The following CACNA1B variants were observed in gnomAD, a reference collection of about 807,000 sequenced individuals.
CACNA1B encodes voltage-dependent N-type calcium channel subunit alpha-1B.
In CACNA1B, 70 loss-of-function variants were observed where a neutral mutation model predicts 247.2. The ratio of observed to expected loss-of-function variants is 0.28; its 90% CI spans 0.23 to 0.35. The LOEUF (loss-of-function observed/expected upper bound fraction) is 0.35. CACNA1B is among the 10% of genes least tolerant of loss of function. The pLI, the probability that CACNA1B is intolerant of heterozygous loss-of-function variation, is 1.00. For missense variants in CACNA1B, 2,367 were observed against 3,197.4 expected, an observed-to-expected ratio of 0.74 and a Z score of 6.26; for synonymous variants, 1,231 against 1,294.4, an observed-to-expected ratio of 0.95 and a Z score of 1.05.
rs1047128734 is a variant in CACNA1B, at chr9:137,957,775, T to C, written c.1333+88T>C. ...GCTTCCCCTGCTACCCAGCCACTGTTGGACGCCCCTTCTTGCCCAAACGCC... is the reference window on the plus strand; with the variant it reads ...GCTTCCCCTGCTACCCAGCCACTGTCGGACGCCCCTTCTTGCCCAAACGCC... On this transcript the variant is annotated intron_variant, in intron 10 of 46. Transcript: ENST00000371372. The surrounding 1 kb of genome is among the most constrained non-coding windows in gnomAD (Gnocchi z 4.7). 11 of 935,064 alleles carry C rather than the reference T, an allele frequency of 1.2e-5. No individual in the cohort carries two copies. The highest frequency in any genetic ancestry group is 2.9e-5 in the Admixed American group (1 of 34,798). 57.9% of individuals were successfully genotyped at this position (935,064 alleles called of 1,614,324 possible).
chr9:138,003,944 T>C (rs1044358364), intron 15 of CACNA1B, among the ~76,000 whole-genome samples: 5 of 151,990 alleles, frequency 3.3e-5, no homozygotes, highest in Non-Finnish European at 7.4e-5. Context: ...CCCTTTCACG[T>C]TTATCAGATT....
Position 138,052,233 on chromosome 9 carries a change from TGC to T in CACNA1B, c.3807+47_3807+48del. On this transcript the variant is annotated intron_variant, in intron 25 of 46. Coordinates refer to ENST00000371372, the MANE Select transcript of CACNA1B (RefSeq NM_000718.4). This position sits in a 1 kb window ranked among gnomAD's most constrained non-coding sequence, Gnocchi z 5.1. The stretch of plus-strand genomic sequence containing the variant: ...GCTTGAGGGATGTGCTGTGTGTGTG[TGC>T]GTGTGTGTGTGTGCGTGTGTGTGTG... The T allele has an allele frequency of 7.8e-6, 8 of 1,026,882 alleles. No homozygotes were observed. Among genetic ancestry groups the T allele is most frequent in the South Asian group, 1.3e-5 (1 of 74,596 alleles). The allele number at this position is 1,026,882 out of a possible 1,614,324, so 63.6% of individuals were successfully genotyped here. A position where few individuals can be genotyped will look rare whatever the true frequency, so the allele number is the denominator to read the frequency against.
At chr9:138,043,952 A>G (rs775762475) in intron 21 of CACNA1B, 52 bp downstream of exon 21, 7 of 1,593,356 alleles carry the variant, frequency 4.4e-6, no homozygotes, top group African/African-American at 1.3e-5. Flanking sequence ...CCCATGCATC[A>G]TGACCCGTGG....
At chr9:137,963,419 C>G (rs1454384591) in intron 10 of CACNA1B, among the ~76,000 whole-genome samples, 1 of 152,080 alleles carries the variant, frequency 6.6e-6, no homozygotes, top group Non-Finnish European at 1.5e-5. Context: ...TTTTTTGAGA[C>G]AGTCTCACTC....
At chr9:138,003,026 T>A (rs533108824) in intron 15 of CACNA1B, among the ~76,000 whole-genome samples, 1 of 151,198 alleles carries the variant, frequency 6.6e-6, no homozygotes, top group African/African-American at 2.4e-5. Context: ...CTTGAACTCC[T>A]GACCTTGTGA....
At position 137,877,822 on chromosome 9, in the gene CACNA1B, G is replaced by C. The variant is rs1048205049; in HGVS notation, c.-112G>C. ...GGCTGCGGCGGTGGGGCCGGGCGAG[G>C]TCCGCTGCGGTCCCGGCGGCTCCGT... On this transcript the variant is annotated 5_prime_UTR_variant, in exon 1 of 47. Coordinates refer to ENST00000371372, the MANE Select transcript of CACNA1B (RefSeq NM_000718.4). 1.6e-4 allele frequency: 85 copies of C among 533,466 alleles called. No homozygotes were observed. In the African/African-American group the frequency reaches 1.7e-3, roughly 11 times the overall value. The allele number at this position is 533,466 out of a possible 1,614,324, so 33.0% of individuals were successfully genotyped here.
rs770232194 is a variant in CACNA1B, at chr9:138,053,827, T to G, written c.3808-19T>G. 6.3e-7 allele frequency: 1 copy of G among 1,586,780 alleles called. No individual in the cohort carries two copies. Among genetic ancestry groups the G allele is most frequent in the Admixed American group, 1.7e-5 (1 of 58,938 alleles). ...CATGATTCCACCCCCTCATCATGGC[T>G]CCACCCCTCCTCCTGCAGGCTGTGT... On this transcript the variant is annotated intron_variant, in intron 25 of 46. Transcript: ENST00000371372.
At chr9:138,106,136 C>G (rs892551749) in intron 39 of CACNA1B, among the ~76,000 whole-genome samples, 8 of 152,200 alleles carry the variant, frequency 5.3e-5, no homozygotes, top group Admixed American at 1.3e-4. Flanking sequence ...AGCGCCCTCC[C>G]TGGGGACGAG....
intron 3 of CACNA1B, among the ~76,000 whole-genome samples, chr9:137,896,238 CAAAA>C (rs34505431): frequency 2.9e-5 from 2 of 69,756 alleles, no homozygotes; most frequent in African/African-American, 1.2e-4. Context: ...GACTCTGTCT[CAAAA>C]AAAAAAAAAA....
At chr9:137,949,207 GTA>G (rs1957844292) in intron 6 of CACNA1B, among the ~76,000 whole-genome samples, 2 of 148,278 alleles carry the variant, frequency 1.3e-5, no homozygotes, top group East Asian at 2.1e-4. Flanking sequence ...TGTGTGTCTG[GTA>G]TGTGTGGTGT....
intron 6 of CACNA1B, among the ~76,000 whole-genome samples, chr9:137,921,912 C>T (rs575921411): frequency 2.8e-5 from 4 of 142,012 alleles, no homozygotes; most frequent in Non-Finnish European, 1.5e-5. Flanking sequence ...CAGAGTAAAG[C>T]GTTCGGAGAA....
rs193207370 is a variant in CACNA1B, at chr9:138,075,951, G to A, written c.4949+41G>A. ...AGCCCAGGCCAATGTCTGCTCTTCC[G>A]TCGGGGGCTGCTTTACTCAGGATGA... is the stretch of plus-strand genomic sequence containing the variant. On this transcript the variant is annotated intron_variant, in intron 35 of 46. Transcript: ENST00000371372. 1.8e-3 allele frequency: 2,350 copies of A among 1,308,536 alleles called. 1 individual carries two copies. The highest frequency in any genetic ancestry group is 2.3e-3 in the Non-Finnish European group (2,135 of 915,714). 81.1% of individuals were successfully genotyped at this position (1,308,536 alleles called of 1,614,324 possible).
chr9:138,029,495 C>T (rs1958961798), intron 20 of CACNA1B, among the ~76,000 whole-genome samples: 1 of 152,018 alleles, frequency 6.6e-6, no homozygotes, highest in Non-Finnish European at 1.5e-5. Flanking sequence ...TCTAGGTTTT[C>T]CCACTTACTT....
rs1958422135 is a variant in CACNA1B at position 137,990,729 on chromosome 9, G to A, written c.1974+3875G>A. 1.3e-5 allele frequency among the ~76,000 whole-genome samples: 2 copies of A among 152,174 alleles called. No individual in the cohort carries two copies. Among genetic ancestry groups the A allele is most frequent in the Non-Finnish European group, 2.9e-5 (2 of 68,046 alleles). Reference sequence around the variant, plus strand: ...TCCCCTGCTACCCCCACCAGAGCAGGTGCTGGTATCCGCACCTGAAAGACC... The same window carrying A: ...TCCCCTGCTACCCCCACCAGAGCAGATGCTGGTATCCGCACCTGAAAGACC... On this transcript the variant is annotated intron_variant, in intron 15 of 46. Transcript: ENST00000371372. This position sits in a 1 kb window ranked among gnomAD's most constrained non-coding sequence, Gnocchi z 4.5.
chr9:137,992,493 G>T (rs1958443014), intron 15 of CACNA1B, among the ~76,000 whole-genome samples: 2 of 152,044 alleles, frequency 1.3e-5, no homozygotes, highest in Non-Finnish European at 2.9e-5. Flanking sequence ...TAATAGCGGG[G>T]GACTTTGATA....
Position 138,112,513 on chromosome 9 carries a change from T to A in CACNA1B, c.5536+8T>A, listed in dbSNP as rs200430987. ...TGGTACCACCCCATAAGCGTAAGTGTGAGGGTGAGAAATGCCCCCAGCCCC... is the reference window on the plus strand; with the variant it reads ...TGGTACCACCCCATAAGCGTAAGTGAGAGGGTGAGAAATGCCCCCAGCCCC... On this transcript the variant is annotated splice_region_variant and intron_variant, in intron 40 of 46. Coordinates refer to ENST00000371372, the MANE Select transcript of CACNA1B (RefSeq NM_000718.4). 2.4e-5 allele frequency: 38 copies of A among 1,562,714 alleles called. No individual in the cohort carries two copies. The highest frequency in any genetic ancestry group is 1.7e-5 in the Admixed American group (1 of 59,944).
chr9:138,106,580 C>T (rs1961435797), intron 39 of CACNA1B, among the ~76,000 whole-genome samples: 1 of 152,146 alleles, frequency 6.6e-6, no homozygotes, highest in Non-Finnish European at 1.5e-5. Flanking sequence ...CCATCCTGGC[C>T]AACATGGTGA....
chr9:137,909,008 G>T (rs1374045398), intron 3 of CACNA1B, among the ~76,000 whole-genome samples: 679 of 91,238 alleles, frequency 7.4e-3, no homozygotes, highest in Non-Finnish European at 0.01. Flanking sequence ...TTTTTTTTTT[G>T]AGACAGAATT....
chr9:137,941,789 T>C (rs1330231770), intron 6 of CACNA1B, among the ~76,000 whole-genome samples: 1 of 152,164 alleles, frequency 6.6e-6, no homozygotes, highest in Admixed American at 6.6e-5. Context: ...TGTAGGAGAA[T>C]GAAACTGAAT....
Sources: allele counts gnomAD v4.1 joint callset (sites outside exome capture counted in the v4.1 genomes callset), GRCh38; gene constraint gnomAD v4.1.1; non-coding constraint Gnocchi (gnomAD v3.1); transcripts MANE v1.5; gene names NCBI Gene and HGNC (gene_info 2026-07-23, HGNC 2026-07-21).